The following MRPL22 variants were observed in gnomAD, a reference collection of about 807,000 sequenced individuals.
The protein encoded by MRPL22 is mitochondrial ribosomal protein L22.
MRPL22 carries 27 observed loss-of-function variants against 32.4 expected under a neutral mutation model. That is an observed-to-expected ratio of 0.83 (90% CI 0.61 to 1.15). The LOEUF is 1.15. MRPL22 is among the 50% of genes most tolerant of loss of function. The pLI, the probability that MRPL22 is intolerant of heterozygous loss-of-function variation, is 0.00. For synonymous variants in MRPL22, 86 were observed against 87.3 expected (o/e 0.99, Z 0.08); for missense variants, 239 against 260.2 (o/e 0.92, Z 0.56).
At chr5:154,964,280 G>T (rs887879736) in intron 6 of MRPL22, among the ~76,000 whole-genome samples, 1 of 152,322 alleles carries the variant, frequency 6.6e-6, no homozygotes, top group East Asian at 1.9e-4. Flanking sequence ...AAAAATGTTT[G>T]TTGAGTGAAT....
chr5:154,957,083 T>C (rs373029032), intron 4 of MRPL22, 52 bp from the exon 5 acceptor site: 134 of 1,489,832 alleles, frequency 9.0e-5, no homozygotes, highest in Admixed American at 2.1e-4. Flanking sequence ...AAAGGAAACA[T>C]TGACTTTGTA....
chr5:154,956,985 T>C (rs1339615902), intron 4 of MRPL22, 150 bp from the exon 5 acceptor site: 11 of 633,424 alleles, frequency 1.7e-5, no homozygotes, highest in Non-Finnish European at 3.0e-5. Flanking sequence ...GAGAATAGTG[T>C]CTCCTCTCAA....
Position 154,966,684 on chromosome 5 carries a change from A to G in MRPL22, c.410-2A>G. ...TGTAATTCTCTTTTTCTTCCTGTTT[A>G]GCTGAGTCCACCTCAGGACGAGGCC... On this transcript the variant is annotated splice_acceptor_variant, in intron 6 of 6. Transcript: ENST00000523037. LOFTEE classifies it high-confidence loss of function. The G allele has an allele frequency of 6.2e-7, 1 of 1,613,494 alleles. No individual in the cohort carries two copies.
At chr5:154,956,869 G>A (rs1410333422) in intron 4 of MRPL22, 2 of 410,512 alleles carry the variant, frequency 4.9e-6, no homozygotes, top group Admixed American at 4.0e-5. Flanking sequence ...TAGTGTGGTT[G>A]TTACCAACCT....
rs879437632 is a variant in MRPL22 at position 154,950,838 on chromosome 5, A to G, written c.95A>G (p.Tyr32Cys). ...TTTCACAGTGTTTTACCTCAATCAT[A>G]TATCCACACAAGTGCTTCTCTTGAC... ...KLALGVLPQS[Y>C]IHTSASLDIS... is the part of the protein sequence containing the mutation. Residue 32 changes from tyrosine to cysteine, a missense_variant, in exon 3 of 7, where the codon TAT (tyrosine) becomes TGT (cysteine). Transcript: ENST00000523037. 1.9e-6 allele frequency: 3 copies of G among 1,610,430 alleles called. No homozygotes were observed. The highest frequency in any genetic ancestry group is 2.5e-6 in the Non-Finnish European group (3 of 1,176,848).
intron 3 of MRPL22, chr5:154,955,075 G>A (rs1000890618): frequency 6.6e-6 from 1 of 152,162 alleles, no homozygotes; most frequent in Non-Finnish European, 1.5e-5. Flanking sequence ...ATTACAGGCT[G>A]AGCCACTGCT....
At chr5:154,958,537 T>C (rs1764660626) in intron 5 of MRPL22, among the ~76,000 whole-genome samples, 1 of 140,622 alleles carries the variant, frequency 7.1e-6, no homozygotes, top group African/African-American at 2.6e-5. Context: ...CTGACAATTG[T>C]CTTTTTTTTT....
chr5:154,952,019 A>G (rs1435085859), intron 3 of MRPL22, among the ~76,000 whole-genome samples: 1 of 151,424 alleles, frequency 6.6e-6, no homozygotes, highest in Non-Finnish European at 1.5e-5. Context: ...ACTAGCTGGG[A>G]CTACAGGCGC....
intron 2 of MRPL22, among the ~76,000 whole-genome samples, chr5:154,941,553 G>A (rs1250759736): frequency 6.6e-6 from 1 of 152,226 alleles, no homozygotes; most frequent in Non-Finnish European, 1.5e-5. Flanking sequence ...CCATATGGAA[G>A]CGTCCAACTT....
Position 154,959,980 on chromosome 5 carries a change from G to A in MRPL22, c.340G>A (p.Val114Ile). 3.1e-6 allele frequency: 5 copies of A among 1,608,070 alleles called. No individual in the cohort carries two copies. The highest frequency in any genetic ancestry group is 4.2e-6 in the Non-Finnish European group (5 of 1,177,272). The stretch of plus-strand genomic sequence containing the variant: ...AATGCTTTTCTTTTTCTTATTTAAG[G>A]TTCTCTTAGAAGCACAAGATATGGC... The part of the protein sequence containing the change: ...DKKGAKIIKE[V>I]LLEAQDMAVR... Residue 114 changes from valine to isoleucine, a missense_variant and splice_region_variant, in exon 6 of 7, where the codon GTT becomes ATT. Coordinates refer to ENST00000523037, the MANE Select transcript of MRPL22 (RefSeq NM_014180.4).
intron 6 of MRPL22, among the ~76,000 whole-genome samples, chr5:154,960,440 T>G (rs1764686957): frequency 6.6e-6 from 1 of 152,226 alleles, no homozygotes; most frequent in South Asian, 2.1e-4. Flanking sequence ...TTATTTATAA[T>G]GTGCCAAGCC....
chr5:154,958,787 T>A (rs776800833), intron 5 of MRPL22, among the ~76,000 whole-genome samples: 3 of 151,748 alleles, frequency 2.0e-5, no homozygotes, highest in Non-Finnish European at 4.4e-5. Flanking sequence ...CCTCATGATC[T>A]GCCCACCTCG....
chr5:154,953,634 A>ACC (rs776412453), intron 3 of MRPL22, among the ~76,000 whole-genome samples: 62 of 151,698 alleles, frequency 4.1e-4, no homozygotes, highest in Non-Finnish European at 7.9e-4. Context: ...GCATACTGAT[A>ACC]ATAATACCTT....
intron 2 of MRPL22, 60 bp from the exon 3 acceptor site, chr5:154,950,761 A>G: frequency 9.2e-7 from 1 of 1,081,918 alleles, no homozygotes; most frequent in Non-Finnish European, 1.4e-6. Context: ...AAAGATATGT[A>G]AACTCTACAG....
chr5:154,944,818 G>T (rs919602892), intron 2 of MRPL22, among the ~76,000 whole-genome samples: 6 of 152,188 alleles, frequency 3.9e-5, no homozygotes, highest in Non-Finnish European at 8.8e-5. Flanking sequence ...TGAAGGAAAT[G>T]AGGAAGCATG....
At chr5:154,964,604 A>T (rs1373565007) in intron 6 of MRPL22, among the ~76,000 whole-genome samples, 2 of 152,224 alleles carry the variant, frequency 1.3e-5, no homozygotes, top group Non-Finnish European at 2.9e-5. Context: ...TTTTGTTTTG[A>T]CATAAAGAAA....
Position 154,960,004 on chromosome 5 carries a change from G to GCA in MRPL22, c.365_366dup (p.Val123GlnfsTer2). 1 of 1,612,254 alleles carries GCA rather than the reference G, an allele frequency of 6.2e-7. No homozygotes were observed. The highest frequency in any genetic ancestry group is 8.5e-7 in the Non-Finnish European group (1 of 1,178,928). On this transcript the variant is annotated frameshift_variant, in exon 6 of 7. Transcript: ENST00000523037. LOFTEE classifies it high-confidence loss of function. ...GGTTCTCTTAGAAGCACAAGATATG[G>GCA]CAGTGAGAGACCATAACGTGGAATT... is the stretch of plus-strand genomic sequence containing the variant.
At chr5:154,958,685 C>G (rs533360935) in intron 5 of MRPL22, among the ~76,000 whole-genome samples, 31 of 151,732 alleles carry the variant, frequency 2.0e-4, no homozygotes, top group Non-Finnish European at 2.9e-5. Flanking sequence ...GCTGGGACTA[C>G]AGATGTGTGC....
At chr5:154,953,362 GAAAAAAAAAA>G (rs573134537) in intron 3 of MRPL22, among the ~76,000 whole-genome samples, 4,354 of 69,566 alleles carry the variant, frequency 0.063, 112 homozygotes, top group African/African-American at 0.14. Context: ...CGTCTCAGGA[GAAAAAAAAAA>G]AAAAAAAAAA....
Sources: allele counts gnomAD v4.1 joint callset (sites outside exome capture counted in the v4.1 genomes callset), GRCh38; gene constraint gnomAD v4.1.1; transcripts MANE v1.5; gene names NCBI Gene and HGNC (gene_info 2026-07-23, HGNC 2026-07-21).